Variants in ZPLD1 observed in about 807,000 individuals in gnomAD.
The protein encoded by ZPLD1 is zona pellucida like domain containing 1, also known as zona pellucida-like domain-containing protein 1.
A neutral mutation model predicts 47.2 loss-of-function variants in ZPLD1; 34 were observed. The ratio of observed to expected loss-of-function variants is 0.72; its 90% CI spans 0.55 to 0.96. The LOEUF (loss-of-function observed/expected upper bound fraction) is 0.96. ZPLD1 is among the 40% of genes least tolerant of loss of function. ZPLD1 has a pLI of 0.00. For synonymous variants in ZPLD1, 176 were observed against 186.2 expected (o/e 0.95, Z 0.45); for missense variants, 512 against 505.8 (o/e 1.01, Z -0.12).
At chr3:102,401,184 A>C (rs1706615984) in intron 7 of ZPLD1, among the ~76,000 whole-genome samples, 1 of 152,058 alleles carries the variant, frequency 6.6e-6, no homozygotes, top group African/African-American at 2.4e-5. Flanking sequence ...TGTCAGCTAC[A>C]ATATTCCTGC....
At chr3:102,434,484 C>T (rs140643227), upstream of ZPLD1, among the ~76,000 whole-genome samples, 412 of 152,198 alleles carry the variant, frequency 2.7e-3, 1 homozygote, top group African/African-American at 9.1e-3. Context: ...CTATTAGTAA[C>T]AGTTTATGAG....
At chr3:102,457,726 A>G in intron 5 of ZPLD1, 55 bp from the exon 6 acceptor site, 1 of 1,509,424 alleles carries the variant, frequency 6.6e-7, no homozygotes, top group Non-Finnish European at 9.2e-7. Flanking sequence ...ACATCTAGGT[A>G]TCACTTTTAC....
chr3:102,408,113 T>TA (rs1706712015), intron 7 of ZPLD1, among the ~76,000 whole-genome samples: 1 of 151,918 alleles, frequency 6.6e-6, no homozygotes, highest in South Asian at 2.1e-4. Context: ...CCAGGGTTGT[T>TA]ATGGTGATAT....
chr3:102,450,392 T>C (rs1707319509), intron 3 of ZPLD1, among the ~76,000 whole-genome samples: 1 of 152,208 alleles, frequency 6.6e-6, no homozygotes, highest in African/African-American at 2.4e-5. Context: ...CTCGTGCTCC[T>C]ATTGTAGGCA....
chr3:102,403,637 T>C (rs143273256), intron 7 of ZPLD1, among the ~76,000 whole-genome samples: 8 of 152,152 alleles, frequency 5.3e-5, no homozygotes, highest in African/African-American at 1.4e-4. Context: ...ATCATACCCT[T>C]AGATTCCTAT....
Position 102,477,444 on chromosome 3 carries a change from T to G in ZPLD1, c.1074T>G (p.Gly358=), listed in dbSNP as rs1707774914. ...CCGGGTGTGTTTTATTATTTGCAGG[T>G]TCTCCAAGTATGCCTCCCTTCCAGC... is the stretch of plus-strand genomic sequence containing the variant. ...DETPTNNSQL[G]SPSMPPFQLN... Residue 358 remains glycine (G), a splice_region_variant and synonymous_variant, in exon 12 of 12, where the codon GGT becomes GGG. Transcript: ENST00000466937. The G allele has an allele frequency of 6.2e-7, 1 of 1,610,904 alleles. No individual in the cohort carries two copies. Among genetic ancestry groups the G allele is most frequent in the African/African-American group, 1.3e-5 (1 of 74,634 alleles).
At chr3:102,440,427 T>A (rs984176898) in intron 3 of ZPLD1, among the ~76,000 whole-genome samples, 1 of 152,138 alleles carries the variant, frequency 6.6e-6, no homozygotes, top group Admixed American at 6.6e-5. Flanking sequence ...GATTAAAGGA[T>A]GTTTTTAACT....
intron 3 of ZPLD1, among the ~76,000 whole-genome samples, chr3:102,441,377 C>T (rs912467911): frequency 1.3e-5 from 2 of 152,114 alleles, no homozygotes; most frequent in Non-Finnish European, 1.5e-5. Flanking sequence ...GGGGACTCAA[C>T]TTGTTTCACC....
chr3:102,462,274 T>C lies in ZPLD1; in HGVS notation c.583-7T>C, dbSNP rs1707518099. ...TAATAATAGATTTTTTATTGTTTCA[T>C]CATTAGGATTCAACCTACAACCAGC... On this transcript the variant is annotated splice_region_variant and splice_polypyrimidine_tract_variant and intron_variant, in intron 6 of 11. Coordinates refer to ENST00000466937, the MANE Select transcript of ZPLD1 (RefSeq NM_001329788.2). 6.3e-7 allele frequency: 1 copy of C among 1,578,064 alleles called. No individual in the cohort carries two copies. The highest frequency in any genetic ancestry group is 8.7e-7 in the Non-Finnish European group (1 of 1,153,998).
intron 7 of ZPLD1, among the ~76,000 whole-genome samples, chr3:102,398,623 G>A (rs1706583303): frequency 1.3e-5 from 2 of 152,002 alleles, no homozygotes; most frequent in Admixed American, 1.3e-4. Context: ...AATATCCAGG[G>A]TTCTTCCCAT....
intron 3 of ZPLD1, among the ~76,000 whole-genome samples, chr3:102,444,975 A>T (rs1707235713): frequency 6.6e-6 from 1 of 152,142 alleles, no homozygotes; most frequent in Admixed American, 6.5e-5. Flanking sequence ...CCAAGACTGC[A>T]TGTCACACAT....
chr3:102,397,799 G>C (rs1026365241), intron 7 of ZPLD1, among the ~76,000 whole-genome samples: 1 of 152,048 alleles, frequency 6.6e-6, no homozygotes, highest in African/African-American at 2.4e-5. Flanking sequence ...ACTAATGAAG[G>C]ATCTTACGTG....
At chr3:102,409,563 C>T (rs1706727691) in intron 7 of ZPLD1, among the ~76,000 whole-genome samples, 1 of 151,682 alleles carries the variant, frequency 6.6e-6, no homozygotes, top group Admixed American at 6.6e-5. Context: ...AATCTAATTC[C>T]TTAATTTCAG....
At chr3:102,433,055 A>G (rs1392478548), upstream of ZPLD1, among the ~76,000 whole-genome samples, 1 of 152,208 alleles carries the variant, frequency 6.6e-6, no homozygotes, top group Non-Finnish European at 1.5e-5. Flanking sequence ...AGAAGTTAGA[A>G]TGTAAGTTCT....
Position 102,413,110 on chromosome 3 carries a change from C to T in ZPLD1, c.-156-4950C>T, listed in dbSNP as rs544066543. ...GTCATCTGTCCTTTGGTGTGTATTACACTTAGTTTTTATCAAGAATATATA... is the reference window on the plus strand; with the variant it reads ...GTCATCTGTCCTTTGGTGTGTATTATACTTAGTTTTTATCAAGAATATATA... On this transcript the variant is annotated intron_variant, in intron 7 of 17. Transcript: ENST00000491959. Among the ~76,000 whole-genome samples, 7 of 151,748 alleles carry T rather than the reference C, an allele frequency of 4.6e-5. No homozygotes were observed. In the South Asian group the frequency reaches 1.5e-3, roughly 31 times the overall value.
At chr3:102,438,958 G>A (rs1486135627) in intron 3 of ZPLD1, among the ~76,000 whole-genome samples, 1 of 152,014 alleles carries the variant, frequency 6.6e-6, no homozygotes, top group African/African-American at 2.4e-5. Flanking sequence ...ATAATCTTAA[G>A]AAAATGATTG....
intron 8 of ZPLD1, among the ~76,000 whole-genome samples, chr3:102,429,638 C>G (rs7651247): frequency 0.14 from 21,732 of 151,948 alleles, 2,051 homozygotes; most frequent in Middle Eastern, 0.24. Flanking sequence ...AACTTTCTTG[C>G]GATTGATAAT....
intron 4 of ZPLD1, among the ~76,000 whole-genome samples, chr3:102,454,699 T>A (rs1707385861): frequency 6.6e-6 from 1 of 152,070 alleles, no homozygotes; most frequent in Admixed American, 6.5e-5. Context: ...CTGCTAAAAA[T>A]ACAAAAATTA....
intron 8 of ZPLD1, among the ~76,000 whole-genome samples, chr3:102,423,379 G>A (rs1706903663): frequency 6.6e-6 from 1 of 151,916 alleles, no homozygotes; most frequent in South Asian, 2.1e-4. Flanking sequence ...AATCTCAAAA[G>A]CTTATTAGAA....
Sources: allele counts gnomAD v4.1 joint callset (sites outside exome capture counted in the v4.1 genomes callset), GRCh38; gene constraint gnomAD v4.1.1; transcripts MANE v1.5; gene names NCBI Gene and HGNC (gene_info 2026-07-23, HGNC 2026-07-21).